Variants in HTR1F observed in about 807,000 individuals in gnomAD.
The protein encoded by HTR1F is 5-hydroxytryptamine (serotonin) receptor 1F, G protein-coupled.
A neutral mutation model predicts 24.0 loss-of-function variants in HTR1F; 17 were observed. The observed-to-expected ratio is 0.71, with a 90% confidence interval of 0.48 to 1.06. The LOEUF (loss-of-function observed/expected upper bound fraction) is 1.06. HTR1F is among the 50% of genes least tolerant of loss of function. The probability of loss-of-function intolerance (pLI) is 0.00; values close to 1 mark genes in which losing one functional copy is unlikely to be tolerated. For missense variants in HTR1F, 391 were observed against 427.8 expected, an observed-to-expected ratio of 0.91 and a Z score of 0.76; for synonymous variants, 186 against 156.8, an observed-to-expected ratio of 1.19 and a Z score of -1.39.
intron 2 of HTR1F, among the ~76,000 whole-genome samples, chr3:87,962,149 C>G (rs1277314322): frequency 6.6e-6 from 1 of 151,920 alleles, no homozygotes; most frequent in Non-Finnish European, 1.5e-5. Context: ...TAAAGAAAGA[C>G]AGACAACTTG....
intron 2 of HTR1F, among the ~76,000 whole-genome samples, chr3:87,938,482 A>G (rs1439387219): frequency 6.6e-6 from 1 of 152,144 alleles, no homozygotes; most frequent in Non-Finnish European, 1.5e-5. Context: ...AATAGCCAAG[A>G]GAATCCTAAG....
At chr3:87,845,798 C>T (rs1383014609) in intron 2 of HTR1F, among the ~76,000 whole-genome samples, 5 of 151,898 alleles carry the variant, frequency 3.3e-5, no homozygotes, top group Non-Finnish European at 7.4e-5. Context: ...CTCGCTATTA[C>T]CATGCATTGC....
chr3:87,823,684 G>A (rs765369108), intron 2 of HTR1F, among the ~76,000 whole-genome samples: 3 of 151,648 alleles, frequency 2.0e-5, no homozygotes, highest in Non-Finnish European at 2.9e-5. Context: ...ACCATGCCCG[G>A]CCAAGGCTGG....
intron 2 of HTR1F, among the ~76,000 whole-genome samples, chr3:87,932,788 G>T (rs1481104264): frequency 6.6e-6 from 1 of 151,792 alleles, no homozygotes; most frequent in Admixed American, 6.6e-5. Flanking sequence ...GGAGGAGATG[G>T]TACCATTCCT....
At chr3:87,860,804 A>G (rs574458143) in intron 2 of HTR1F, among the ~76,000 whole-genome samples, 1 of 152,304 alleles carries the variant, frequency 6.6e-6, no homozygotes, top group African/African-American at 2.4e-5. Flanking sequence ...GTAAGTGAGA[A>G]GTCAAATAAA....
At chr3:87,928,651 G>A (rs998277470) in intron 2 of HTR1F, among the ~76,000 whole-genome samples, 7 of 152,086 alleles carry the variant, frequency 4.6e-5, no homozygotes, top group African/African-American at 7.2e-5. Flanking sequence ...ACCACCTTCC[G>A]CAGCTTTTGA....
intron 2 of HTR1F, among the ~76,000 whole-genome samples, chr3:87,911,864 C>G (rs546764069): frequency 6.6e-5 from 10 of 152,216 alleles, no homozygotes; most frequent in Admixed American, 2.0e-4. Flanking sequence ...TAAAATTCAA[C>G]TTCCTTTCAT....
chr3:87,932,521 A>G (rs932442331), intron 2 of HTR1F, among the ~76,000 whole-genome samples: 1 of 152,004 alleles, frequency 6.6e-6, no homozygotes, highest in African/African-American at 2.4e-5. Context: ...TTGACTTGGC[A>G]ATGTGGGCTC....
intron 1 of HTR1F, among the ~76,000 whole-genome samples, chr3:87,803,595 G>A: frequency 6.6e-6 from 1 of 152,138 alleles, no homozygotes; most frequent in South Asian, 2.1e-4. Flanking sequence ...CTCAGAAGCA[G>A]CATCTAATTT....
At chr3:87,950,247 A>G (rs1559645900) in intron 2 of HTR1F, among the ~76,000 whole-genome samples, 1 of 152,230 alleles carries the variant, frequency 6.6e-6, no homozygotes, top group Non-Finnish European at 1.5e-5. Flanking sequence ...AATACTGCCA[A>G]ACTGAAAATA....
intron 2 of HTR1F, among the ~76,000 whole-genome samples, chr3:87,872,841 C>T (rs1301874361): frequency 6.6e-6 from 1 of 152,044 alleles, no homozygotes; most frequent in Non-Finnish European, 1.5e-5. Context: ...GATGGCTTCA[C>T]AGGACAACTC....
At chr3:87,805,400 A>G (rs1704057478) in intron 1 of HTR1F, among the ~76,000 whole-genome samples, 1 of 152,064 alleles carries the variant, frequency 6.6e-6, no homozygotes, top group African/African-American at 2.4e-5. Context: ...TAATTTAGAT[A>G]TTTCATGTTT....
chr3:87,864,897 A>G (rs1307592906), intron 2 of HTR1F, among the ~76,000 whole-genome samples: 1 of 144,836 alleles, frequency 6.9e-6, no homozygotes, highest in East Asian at 2.0e-4. Flanking sequence ...ATCTCAAAAA[A>G]AAAAAAAAAG....
In HTR1F at chr3:87,817,964, CTGAT is replaced by C. The variant is rs143725221; in HGVS notation, c.-159-4043_-159-4040del. Among the ~76,000 whole-genome samples, 1,131 of 152,232 alleles carry C rather than the reference CTGAT, an allele frequency of 7.4e-3. 9 individuals carry two copies. Among genetic ancestry groups the C allele is most frequent in the Middle Eastern group, 0.017 (5 of 294 alleles). Reference sequence around the variant, plus strand: ...TTGACAAGTACAAATTCTGTGGAAACTGATAACCTTCAGAAATGGCACTCTACAA... The same window carrying C: ...TTGACAAGTACAAATTCTGTGGAAACAACCTTCAGAAATGGCACTCTACAA... On this transcript the variant is annotated intron_variant, in intron 1 of 2. Coordinates refer to ENST00000319595, the MANE Select transcript of HTR1F (RefSeq NM_001322209.2).
intron 2 of HTR1F, among the ~76,000 whole-genome samples, chr3:87,883,777 G>A (rs934766783): frequency 6.6e-6 from 1 of 152,076 alleles, no homozygotes; most frequent in African/African-American, 2.4e-5. Flanking sequence ...AATAAAGCAA[G>A]AAGACAAGTT....
At chr3:87,918,697 G>A (rs540555677) in intron 2 of HTR1F, among the ~76,000 whole-genome samples, 1 of 151,992 alleles carries the variant, frequency 6.6e-6, no homozygotes, top group Non-Finnish European at 1.5e-5. Context: ...GGAAAACTAC[G>A]AAACACTGCT....
Position 87,915,447 on chromosome 3 carries a change from C to CA in HTR1F, c.-42-75254dup, listed in dbSNP as rs544988013. ...AGGCGAAGCCCAATGCAAGGAAACC[C>CA]AAAAAAACGATACAAGAAGTGAAGG... On this transcript the variant is annotated intron_variant, in intron 2 of 2. Transcript: ENST00000319595. Among the ~76,000 whole-genome samples, 9 of 151,586 alleles carry CA rather than the reference C, an allele frequency of 5.9e-5. No individual in the cohort carries two copies. In the South Asian group the frequency reaches 8.3e-4, roughly 14 times the overall value.
chr3:87,990,315 T>C (rs986602887), intron 2 of HTR1F, among the ~76,000 whole-genome samples: 3 of 152,158 alleles, frequency 2.0e-5, no homozygotes, highest in South Asian at 2.1e-4. Context: ...ACTCAACTAG[T>C]CAGTCAGTAG....
chr3:87,906,515 T>C (rs1391806573), intron 2 of HTR1F, among the ~76,000 whole-genome samples: 1 of 152,084 alleles, frequency 6.6e-6, no homozygotes, highest in East Asian at 1.9e-4. Context: ...CTGTAGTTAA[T>C]GAAAATTTTT....
Sources: gnomAD v4.1 joint callset for allele counts (sites outside exome capture counted in the v4.1 genomes callset) on GRCh38, gnomAD v4.1.1 for gene constraint, MANE v1.5 for transcripts, NCBI Gene and HGNC (gene_info 2026-07-23, HGNC 2026-07-21) for gene names.